Variants in HIVEP1 observed in about 807,000 individuals in gnomAD.
The protein encoded by HIVEP1 is zinc finger protein 40.
HIVEP1 carries 36 observed loss-of-function variants against 180.0 expected under a neutral mutation model. That is an observed-to-expected ratio of 0.20 (90% confidence interval 0.15 to 0.26). The LOEUF (loss-of-function observed/expected upper bound fraction) is 0.26, where lower values mean the gene tolerates loss of function less well. HIVEP1 is among the 10% of genes least tolerant of loss of function. HIVEP1 has a pLI of 1.00. For missense variants in HIVEP1, 3,143 were observed against 3,268.7 expected (o/e 0.96, Z 0.94); for synonymous variants, 1,239 against 1,239.0 (o/e 1.00, Z 0.00).
the HIVEP1 span, among the ~76,000 whole-genome samples, chr6:12,173,505 T>G: frequency 1.3e-5 from 2 of 152,196 alleles, no homozygotes; most frequent in Admixed American, 1.3e-4. Flanking sequence ...AATAAATATT[T>G]GTTCTGTTTA....
At position 12,063,632 on chromosome 6, in the gene HIVEP1, G is replaced by A. The variant is rs1158067701; in HGVS notation, c.41-25552G>A. On this transcript the variant is annotated intron_variant, in intron 2 of 8. Coordinates refer to ENST00000379388, the MANE Select transcript of HIVEP1 (RefSeq NM_002114.4). This position sits in a 1 kb window ranked among gnomAD's most constrained non-coding sequence, Gnocchi z 4.2. ...AGAAGGGGCTTGGATCTGGGTGGCT[G>A]AAGTGGGCAGCTTGGAGAGGTTTTT... Among the ~76,000 whole-genome samples, 4 of 152,164 alleles carry A rather than the reference G, an allele frequency of 2.6e-5. No homozygotes were observed. Among genetic ancestry groups the A allele is most frequent in the Non-Finnish European group, 5.9e-5 (4 of 68,022 alleles).
chr6:12,204,129 C>T, the HIVEP1 span, among the ~76,000 whole-genome samples: 1 of 151,986 alleles, frequency 6.6e-6, no homozygotes, highest in Admixed American at 6.6e-5. Context: ...AGAGAAAATC[C>T]CTTCCCCTCA....
chr6:12,206,498 G>T, the HIVEP1 span, among the ~76,000 whole-genome samples: 1 of 152,224 alleles, frequency 6.6e-6, no homozygotes, highest in East Asian at 1.9e-4. Context: ...GAGAGAGAAT[G>T]CCACATGAGG....
At chr6:12,026,947 G>A (rs1346496516) in intron 2 of HIVEP1, among the ~76,000 whole-genome samples, 1 of 152,158 alleles carries the variant, frequency 6.6e-6, no homozygotes, top group Non-Finnish European at 1.5e-5. Context: ...GTTGTAAATG[G>A]CTGTTATTCT....
chr6:12,100,797 T>C (rs1305876709), intron 3 of HIVEP1, among the ~76,000 whole-genome samples: 1 of 152,182 alleles, frequency 6.6e-6, no homozygotes, highest in Non-Finnish European at 1.5e-5. Flanking sequence ...TGGAAACTTT[T>C]TGAGCACTAA....
intron 2 of HIVEP1, among the ~76,000 whole-genome samples, chr6:12,081,005 C>G (rs949009481): frequency 5.3e-5 from 8 of 152,222 alleles, no homozygotes; most frequent in Middle Eastern, 3.4e-3. Flanking sequence ...CCAGCTCCCC[C>G]CTCCTATTCA....
At chr6:12,171,624 C>A in the HIVEP1 span, among the ~76,000 whole-genome samples, 1 of 151,990 alleles carries the variant, frequency 6.6e-6, no homozygotes, top group Non-Finnish European at 1.5e-5. Flanking sequence ...AAGAAGTTGC[C>A]TTTCTGGTGG....
chr6:12,194,920 A>T, the HIVEP1 span, among the ~76,000 whole-genome samples: 2 of 152,240 alleles, frequency 1.3e-5, no homozygotes, highest in African/African-American at 4.8e-5. Context: ...AAGAGCCAAA[A>T]AGGACAGACA....
At chr6:12,197,111 G>A in the HIVEP1 span, among the ~76,000 whole-genome samples, 1 of 152,190 alleles carries the variant, frequency 6.6e-6, no homozygotes, top group Non-Finnish European at 1.5e-5. Context: ...TCATCCTGAA[G>A]AGGAAGTCAC....
chr6:12,056,718 A>G (rs1046137626), intron 2 of HIVEP1, among the ~76,000 whole-genome samples: 7 of 152,338 alleles, frequency 4.6e-5, no homozygotes, highest in Admixed American at 2.0e-4. Flanking sequence ...TTTAATGGCA[A>G]TGCTTCTGGT....
At chr6:12,168,068 T>C (rs796452701), downstream of HIVEP1, among the ~76,000 whole-genome samples, 5 of 15,652 alleles carry the variant, frequency 3.2e-4, 1 homozygote, top group East Asian at 6.1e-3. Flanking sequence ...TATATACATA[T>C]ATATGTGTAT....
intron 3 of HIVEP1, among the ~76,000 whole-genome samples, chr6:12,090,518 T>C (rs1773398946): frequency 6.6e-6 from 1 of 151,996 alleles, no homozygotes; most frequent in Non-Finnish European, 1.5e-5. Context: ...GTCTGCCTTC[T>C]CCTCACCCCA....
upstream of HIVEP1, chr6:12,008,620 G>C (rs982563891): frequency 6.6e-6 from 1 of 152,058 alleles, no homozygotes; most frequent in Non-Finnish European, 1.5e-5. Flanking sequence ...GTGAAGTGCG[G>C]AAGATCTGTC....
chr6:12,163,419 G>C lies in HIVEP1; in HGVS notation c.7115G>C (p.Gly2372Ala). The C allele has an allele frequency of 6.2e-7, 1 of 1,614,116 alleles. No homozygotes were observed. The highest frequency in any genetic ancestry group is 1.1e-5 in the South Asian group (1 of 91,080). ...KQQITLQPTPGLPSPHTHLFS... is the reference protein window; with the variant it reads ...KQQITLQPTPALPSPHTHLFS... Reference sequence around the variant, plus strand: ...CAAATAACTCTACAGCCGACTCCAGGCTTGCCTTCTCCCCACACTCATTTG... The same window carrying C: ...CAAATAACTCTACAGCCGACTCCAGCCTTGCCTTCTCCCCACACTCATTTG... The change falls in exon 9 of 9, where the codon GGC becomes GCC. Residue 2372 changes from glycine to alanine, a missense_variant. Physicochemically the swap from Gly to Ala is moderately conservative, Grantham distance 60 (BLOSUM62 0). Around this residue, in one of 12 missense-constraint regions of HIVEP1, gnomAD observed 595 missense variants for 602.2 expected, o/e 0.99. Transcript: ENST00000379388.
the HIVEP1 span, among the ~76,000 whole-genome samples, chr6:12,208,995 G>C: frequency 0.051 from 7,808 of 152,232 alleles, 442 homozygotes; most frequent in African/African-American, 0.14. Context: ...TAGCCACTCT[G>C]GCCTCCTCGC....
chr6:12,114,104 C>T (rs752985792), intron 3 of HIVEP1, among the ~76,000 whole-genome samples: 9 of 152,198 alleles, frequency 5.9e-5, no homozygotes, highest in Non-Finnish European at 1.0e-4. Context: ...CTGACTCTGA[C>T]GTCTTGTCTT....
the HIVEP1 span, among the ~76,000 whole-genome samples, chr6:12,200,955 A>C: frequency 6.6e-6 from 1 of 152,220 alleles, no homozygotes. Flanking sequence ...AGTCATGCCT[A>C]GCCCAGACTG....
Position 12,124,203 on chromosome 6 carries a change from A to T in HIVEP1, c.4408A>T (p.Thr1470Ser), listed in dbSNP as rs763207128. The T allele has an allele frequency of 4.3e-6, 7 of 1,613,962 alleles. No individual in the cohort carries two copies. Among genetic ancestry groups the T allele is most frequent in the Non-Finnish European group, 5.9e-6 (7 of 1,179,994 alleles). Residue 1470 changes from threonine to serine, a missense_variant, in exon 4 of 9, where the codon ACT becomes TCT. This residue lies in a region of HIVEP1 where 1,357 missense variants were observed against 1,260.5 expected (regional missense o/e 1.08). Transcript: ENST00000379388. ...NAVPYQGPQL[T>S]STSLAEFSAN... ...AGTGCCATATCAGGGGCCTCAGCTC[A>T]CTAGTACATCTTTAGCTGAGTTTTC...
downstream of HIVEP1, among the ~76,000 whole-genome samples, chr6:12,166,799 G>A (rs1289870268): frequency 6.6e-6 from 1 of 152,162 alleles, no homozygotes; most frequent in Non-Finnish European, 1.5e-5. Context: ...GGCCTGTAGA[G>A]AACTAGGGTG....
Sources: allele counts gnomAD v4.1 joint callset (sites outside exome capture counted in the v4.1 genomes callset), GRCh38; gene constraint gnomAD v4.1.1; regional missense constraint gnomAD v4.1.1; non-coding constraint Gnocchi (gnomAD v3.1); transcripts MANE v1.5; gene names NCBI Gene and HGNC (gene_info 2026-07-23, HGNC 2026-07-21).